Variants in MGAT4C observed in about 807,000 individuals in gnomAD.
MGAT4C encodes alpha-1,3-mannosyl-glycoprotein 4-beta-N-acetylglucosaminyltransferase C.
A neutral mutation model predicts 40.1 loss-of-function variants in MGAT4C; 19 were observed. That is an observed-to-expected ratio of 0.47 (90% confidence interval 0.33 to 0.70). The LOEUF is 0.70. MGAT4C is among the 30% of genes least tolerant of loss of function. The probability of loss-of-function intolerance (pLI) is 0.02; values close to 1 mark genes in which losing one functional copy is unlikely to be tolerated. For synonymous variants in MGAT4C, 181 were observed against 187.1 expected (o/e 0.97, Z 0.27); for missense variants, 491 against 563.2 (o/e 0.87, Z 1.30).
intron 1 of MGAT4C, among the ~76,000 whole-genome samples, chr12:86,824,778 A>C (rs1462685953): frequency 6.6e-6 from 1 of 151,038 alleles, no homozygotes. Context: ...AAGAAAAGAA[A>C]AAATACAAGT....
At position 85,970,637 on chromosome 12, in the gene MGAT4C, A is replaced by G. The variant is rs1883577636; in HGVS notation, c.*8652T>C. ...ACTGTAAGAAATTTAGTAAAGTACT[A>G]ATTGAATTTAGTGATTAGACTGTGA... On this transcript the variant is annotated 3_prime_UTR_variant, in exon 5 of 5. Coordinates refer to ENST00000611864, the MANE Select transcript of MGAT4C (RefSeq NM_001351288.2). The G allele has an allele frequency of 6.6e-6, 1 of 151,346 alleles. No homozygotes were observed. The highest frequency in any genetic ancestry group is 2.1e-4 in the South Asian group (1 of 4,826). The allele number at this position is 151,346 out of a possible 1,614,324, so 9.4% of individuals were successfully genotyped here. A position where few individuals can be genotyped will look rare whatever the true frequency, so the allele number is the denominator to read the frequency against.
intron 1 of MGAT4C, among the ~76,000 whole-genome samples, chr12:86,821,742 G>A (rs1952710205): frequency 6.6e-6 from 1 of 150,860 alleles, no homozygotes; most frequent in Non-Finnish European, 1.5e-5. Context: ...CCACGGTTTG[G>A]ATACTTGACA....
intron 2 of MGAT4C, among the ~76,000 whole-genome samples, chr12:86,631,646 A>C (rs1257570017): frequency 8.6e-5 from 13 of 151,998 alleles, no homozygotes; most frequent in Non-Finnish European, 1.6e-4. Flanking sequence ...CAAAAACAAG[A>C]AATGGGGAAA....
chr12:86,225,900 T>C (rs149193111), intron 1 of MGAT4C, among the ~76,000 whole-genome samples: 5 of 152,092 alleles, frequency 3.3e-5, no homozygotes, highest in African/African-American at 1.2e-4. Flanking sequence ...AGGATGCTAT[T>C]TTCAGCACTT....
intron 1 of MGAT4C, among the ~76,000 whole-genome samples, chr12:86,735,395 CA>C (rs1439395611): frequency 1.3e-5 from 2 of 151,708 alleles, no homozygotes; most frequent in African/African-American, 2.4e-5. Flanking sequence ...AATTTGTAAA[CA>C]CTCCACATCA....
intron 1 of MGAT4C, among the ~76,000 whole-genome samples, chr12:86,219,070 C>A (rs1290414777): frequency 6.6e-6 from 1 of 152,108 alleles, no homozygotes; most frequent in Non-Finnish European, 1.5e-5. Context: ...GTCCCAGCTA[C>A]TCCGGAGGCT....
At chr12:86,524,235 C>G (rs1958842544) in intron 2 of MGAT4C, among the ~76,000 whole-genome samples, 1 of 152,148 alleles carries the variant, frequency 6.6e-6, no homozygotes, top group African/African-American at 2.4e-5. Flanking sequence ...AATGTTCTTT[C>G]TTTCTCATAT....
intron 2 of MGAT4C, among the ~76,000 whole-genome samples, chr12:86,696,935 G>A (rs755631708): frequency 3.9e-5 from 6 of 151,962 alleles, no homozygotes; most frequent in East Asian, 1.9e-4. Flanking sequence ...AAGACAACCC[G>A]TTCCTAACAA....
chr12:86,771,450 G>T (rs545007324), intron 1 of MGAT4C, among the ~76,000 whole-genome samples: 18 of 152,062 alleles, frequency 1.2e-4, no homozygotes, highest in African/African-American at 4.3e-4. Flanking sequence ...ATTGATGGTA[G>T]AAATATGGTC....
chr12:86,829,468 A>G (rs542595545), intron 1 of MGAT4C, among the ~76,000 whole-genome samples: 1 of 151,718 alleles, frequency 6.6e-6, no homozygotes, highest in South Asian at 2.1e-4. Flanking sequence ...ATATAATGCA[A>G]TACTTAAAAC....
chr12:86,290,235 C>T (rs920424529), intron 4 of MGAT4C, among the ~76,000 whole-genome samples: 4 of 152,004 alleles, frequency 2.6e-5, no homozygotes, highest in African/African-American at 4.8e-5. Context: ...TCAGTAGAGA[C>T]GGGTTTGGCC....
intron 2 of MGAT4C, among the ~76,000 whole-genome samples, chr12:86,710,706 A>C (rs1950541522): frequency 6.6e-6 from 1 of 152,206 alleles, no homozygotes; most frequent in African/African-American, 2.4e-5. Flanking sequence ...AAAGGAAAAA[A>C]AGTCATTATA....
At chr12:86,283,830 T>C (rs1953280642) in intron 4 of MGAT4C, among the ~76,000 whole-genome samples, 1 of 152,154 alleles carries the variant, frequency 6.6e-6, no homozygotes, top group Admixed American at 6.6e-5. Context: ...ACTGCTTTTC[T>C]TCACCCTGAC....
rs1273220981 is a variant in MGAT4C at position 85,978,311 on chromosome 12, C to G, written c.*978G>C. On this transcript the variant is annotated 3_prime_UTR_variant, in exon 5 of 5. Coordinates refer to ENST00000611864, the MANE Select transcript of MGAT4C (RefSeq NM_001351288.2). Reference sequence around the variant, plus strand: ...ATTCTGGCCTTGCTAGGAAATAGATCTTTGATTCTAGAAAAGTCAACTAAT... The same window carrying G: ...ATTCTGGCCTTGCTAGGAAATAGATGTTTGATTCTAGAAAAGTCAACTAAT... 1 of 151,532 alleles carries G rather than the reference C, an allele frequency of 6.6e-6. No individual in the cohort carries two copies. The highest frequency in any genetic ancestry group is 1.5e-5 in the Non-Finnish European group (1 of 67,592). 9.4% of individuals were successfully genotyped at this position (151,532 alleles called of 1,614,324 possible).
chr12:86,191,162 T>A (rs937102120), intron 1 of MGAT4C, among the ~76,000 whole-genome samples: 1 of 149,668 alleles, frequency 6.7e-6, no homozygotes, highest in South Asian at 2.1e-4. Context: ...CTCTAAAGAA[T>A]GCTGAGTGAT....
At chr12:86,631,750 T>C (rs1464899815) in intron 2 of MGAT4C, among the ~76,000 whole-genome samples, 1 of 151,994 alleles carries the variant, frequency 6.6e-6, no homozygotes, top group South Asian at 2.1e-4. Context: ...ATACAAAAAT[T>C]AATTCAAGAT....
intron 3 of MGAT4C, among the ~76,000 whole-genome samples, chr12:86,404,197 A>G (rs574940082): frequency 1.3e-5 from 2 of 152,266 alleles, no homozygotes; most frequent in South Asian, 4.1e-4. Flanking sequence ...AAAATTCATA[A>G]TCATATTTAA....
At chr12:86,422,510 A>G (rs1046833125) in intron 3 of MGAT4C, among the ~76,000 whole-genome samples, 3 of 152,188 alleles carry the variant, frequency 2.0e-5, no homozygotes, top group Non-Finnish European at 2.9e-5. Context: ...ACACAAGCAA[A>G]CCAAAATCTC....
At chr12:86,096,696 A>G (rs1873988742) in intron 1 of MGAT4C, among the ~76,000 whole-genome samples, 1 of 151,504 alleles carries the variant, frequency 6.6e-6, no homozygotes, top group African/African-American at 2.4e-5. Flanking sequence ...CTTGAAAAGT[A>G]GAGGGTTTTA....
Sources: allele counts gnomAD v4.1 joint callset (sites outside exome capture counted in the v4.1 genomes callset), GRCh38; gene constraint gnomAD v4.1.1; transcripts MANE v1.5; gene names NCBI Gene and HGNC (gene_info 2026-07-23, HGNC 2026-07-21).